Variants in PCED1B observed in about 807,000 individuals in gnomAD.
The protein encoded by PCED1B is PC-esterase domain-containing protein 1B.
For synonymous variants in PCED1B, 251 were observed against 246.1 expected (o/e 1.02, Z -0.19); for missense variants, 573 against 573.9 (o/e 1.00, Z 0.02).
intron 3 of PCED1B, among the ~76,000 whole-genome samples, chr12:47,224,602 C>A (rs545436629): frequency 2.2e-4 from 34 of 152,220 alleles, no homozygotes; most frequent in African/African-American, 7.5e-4. Flanking sequence ...GTTTGAAGAT[C>A]TTTATTCTAG....
At chr12:47,141,942 G>C (rs919319134) in intron 2 of PCED1B, among the ~76,000 whole-genome samples, 1 of 152,118 alleles carries the variant, frequency 6.6e-6, no homozygotes, top group Non-Finnish European at 1.5e-5. Context: ...GGCAGTCCTT[G>C]AGCTTGTGTG....
intron 1 of PCED1B, among the ~76,000 whole-genome samples, chr12:47,095,144 C>T (rs1174875507): frequency 6.7e-6 from 1 of 149,418 alleles, no homozygotes; most frequent in African/African-American, 2.5e-5. Flanking sequence ...TTCCTTCTGC[C>T]TGAAGAACAT....
intron 2 of PCED1B, among the ~76,000 whole-genome samples, chr12:47,148,139 C>T (rs889658303): frequency 5.3e-5 from 8 of 152,128 alleles, no homozygotes; most frequent in African/African-American, 1.4e-4. Context: ...AACAAACAGA[C>T]GGGACCAAAC....
intron 2 of PCED1B, among the ~76,000 whole-genome samples, chr12:47,119,391 A>T (rs1939574923): frequency 6.6e-6 from 1 of 152,108 alleles, no homozygotes; most frequent in South Asian, 2.1e-4. Flanking sequence ...ATTGGACTTC[A>T]TCAAAACTAA....
intron 2 of PCED1B, among the ~76,000 whole-genome samples, chr12:47,179,680 A>G (rs1228956742): frequency 2.0e-5 from 3 of 152,164 alleles, no homozygotes; most frequent in African/African-American, 7.2e-5. Flanking sequence ...TTTTTCCAGT[A>G]CCAAACATAG....
At chr12:47,093,173 A>G (rs985377187) in intron 1 of PCED1B, among the ~76,000 whole-genome samples, 2 of 151,872 alleles carry the variant, frequency 1.3e-5, no homozygotes, top group Non-Finnish European at 2.9e-5. Context: ...TACATCCTAA[A>G]TTATTGATAT....
intron 2 of PCED1B, among the ~76,000 whole-genome samples, chr12:47,145,155 A>C (rs1467936474): frequency 3.3e-5 from 5 of 152,236 alleles, no homozygotes; most frequent in Non-Finnish European, 7.3e-5. Context: ...AGGTCTGGAT[A>C]GATGATCAAA....
chr12:47,213,715 T>C (rs560943985), intron 2 of PCED1B, among the ~76,000 whole-genome samples: 2 of 152,288 alleles, frequency 1.3e-5, no homozygotes, highest in African/African-American at 4.8e-5. Context: ...TCATTACTGT[T>C]TAAGAAAAAG....
At chr12:47,097,025 A>G (rs1212017010) in intron 1 of PCED1B, among the ~76,000 whole-genome samples, 20 of 152,204 alleles carry the variant, frequency 1.3e-4, no homozygotes, top group Non-Finnish European at 2.9e-4. Context: ...TGCAATTTTC[A>G]AAAAGCCCTA....
At chr12:47,162,211 T>C (rs1254009143) in intron 2 of PCED1B, among the ~76,000 whole-genome samples, 4 of 151,814 alleles carry the variant, frequency 2.6e-5, no homozygotes, top group East Asian at 1.9e-4. Context: ...TGTATACATA[T>C]GTAACAAACC....
chr12:47,082,011 A>G (rs1438061152), intron 1 of PCED1B, among the ~76,000 whole-genome samples: 1 of 152,216 alleles, frequency 6.6e-6, no homozygotes, highest in Admixed American at 6.5e-5. Flanking sequence ...GGGATTTCAC[A>G]TGTTTGTGAA....
At chr12:47,132,629 C>A (rs1940179129) in intron 2 of PCED1B, among the ~76,000 whole-genome samples, 1 of 152,142 alleles carries the variant, frequency 6.6e-6, no homozygotes, top group African/African-American at 2.4e-5. Context: ...AATTTCCAGA[C>A]AACCCTAACT....
rs60769675 is a variant in PCED1B at position 47,202,594 on chromosome 12, TAAAAAAAAA to T, written c.-525-13611_-525-13603del. 0.019 allele frequency among the ~76,000 whole-genome samples: 1,281 copies of T among 66,716 alleles called. 62 individuals are homozygous for T. In the East Asian group the frequency reaches 0.22, roughly 11 times the overall value. The allele number at this position is 66,716 out of a possible 152,430, so 43.8% of individuals were successfully genotyped here. A position where few individuals can be genotyped will look rare whatever the true frequency, so the allele number is the denominator to read the frequency against. On this transcript the variant is annotated intron_variant, in intron 2 of 3. Transcript: ENST00000546455. Reference sequence around the variant, plus strand: ...TGACTCCTTCACGTCTAGACATTAGTAAAAAAAAAAAAAAAAAAAAAAAAAGAAAAAAGA... The same window carrying T: ...TGACTCCTTCACGTCTAGACATTAGTAAAAAAAAAAAAAAAAGAAAAAAGA...
chr12:47,179,519 A>G (rs1371023101), intron 2 of PCED1B, among the ~76,000 whole-genome samples: 2 of 152,198 alleles, frequency 1.3e-5, no homozygotes, highest in Non-Finnish European at 2.9e-5. Flanking sequence ...TCCTTTTAAA[A>G]TGCAGTATTT....
At chr12:47,204,824 T>C (rs902673193) in intron 2 of PCED1B, among the ~76,000 whole-genome samples, 15 of 152,246 alleles carry the variant, frequency 9.9e-5, no homozygotes, top group Non-Finnish European at 1.6e-4. Flanking sequence ...AAATACTATA[T>C]ACTTAGTGAC....
chr12:47,158,546 A>C (rs1941269192), intron 2 of PCED1B, among the ~76,000 whole-genome samples: 2 of 152,100 alleles, frequency 1.3e-5, no homozygotes, highest in Non-Finnish European at 2.9e-5. Flanking sequence ...TATATTTCAG[A>C]TATCAATCCC....
At chr12:47,205,850 A>T (rs1942895295) in intron 2 of PCED1B, 1 of 152,156 alleles carries the variant, frequency 6.6e-6, no homozygotes, top group African/African-American at 2.4e-5. Context: ...AATTCACCAA[A>T]ATAAGGGAAT....
At chr12:47,148,656 A>T (rs1940880795) in intron 2 of PCED1B, among the ~76,000 whole-genome samples, 1 of 152,214 alleles carries the variant, frequency 6.6e-6, no homozygotes. Flanking sequence ...GCCATGTTTG[A>T]TGTTCATACA....
At chr12:47,154,094 G>A (rs541602502) in intron 2 of PCED1B, among the ~76,000 whole-genome samples, 99 of 152,314 alleles carry the variant, frequency 6.5e-4, no homozygotes, top group Admixed American at 2.6e-3. Context: ...CAAGCAAGGC[G>A]CTGACTGCCC....
Sources: gnomAD v4.1 joint callset for allele counts (sites outside exome capture counted in the v4.1 genomes callset) on GRCh38, gnomAD v4.1.1 for gene constraint, MANE v1.5 for transcripts, NCBI Gene and HGNC (gene_info 2026-07-23, HGNC 2026-07-21) for gene names.